Variants in RAD51B observed in about 807,000 individuals in gnomAD.
RAD51B encodes the protein DNA repair protein RAD51 homolog 2.
Under a neutral mutation model 42.2 loss-of-function variants are expected in RAD51B, and 38 were observed. The ratio of observed to expected loss-of-function variants is 0.90; its 90% CI spans 0.70 to 1.18. RAD51B has a LOEUF of 1.18. Among genes scored for constraint, RAD51B ranks in the 50% most tolerant of loss-of-function variants. The pLI, the probability that RAD51B is intolerant of heterozygous loss-of-function variation, is 0.00. For synonymous variants in RAD51B, 154 were observed against 145.2 expected (o/e 1.06, Z -0.43); for missense variants, 373 against 400.7 (o/e 0.93, Z 0.59).
rs1205204275 is a variant in RAD51B at position 68,590,771 on chromosome 14, G to A, written c.1037-3714G>A. Among the ~76,000 whole-genome samples the A allele has an allele frequency of 4.6e-5, 7 of 152,186 alleles. No individual in the cohort carries two copies. The South Asian group carries it at 6.2e-4, about 13-fold the overall frequency. ...GGAGGGCAATGATGCCGAATCACCT[G>A]TTATGGCATTTTCATAATTCAGCTA... On this transcript the variant is annotated intron_variant, in intron 10 of 10. Transcript: ENST00000487270.
chr14:68,342,974 T>C (rs527419442), intron 8 of RAD51B, among the ~76,000 whole-genome samples: 10 of 151,256 alleles, frequency 6.6e-5, no homozygotes, highest in Admixed American at 3.3e-4. Context: ...TTGGTCTCCA[T>C]TTCTGCTGCC....
At chr14:68,468,524 G>T (rs140122890) in intron 10 of RAD51B, 4 of 455,212 alleles carry the variant, frequency 8.8e-6, no homozygotes, top group South Asian at 7.9e-5. Context: ...AAGAAAGCTC[G>T]GAATTGCTAC....
At chr14:68,132,263 A>T (rs2077908279) in intron 7 of RAD51B, among the ~76,000 whole-genome samples, 1 of 152,192 alleles carries the variant, frequency 6.6e-6, no homozygotes, top group African/African-American at 2.4e-5. Context: ...TTCCTCAAAG[A>T]TTTGGGGTGC....
intron 7 of RAD51B, among the ~76,000 whole-genome samples, chr14:67,954,143 C>G (rs2074504514): frequency 6.6e-6 from 1 of 152,120 alleles, no homozygotes; most frequent in Non-Finnish European, 1.5e-5. Flanking sequence ...CGCTCTAACT[C>G]AAATTAATTC....
At position 68,648,055 on chromosome 14, in the gene RAD51B, G is replaced by A. The variant is rs1489276035; in HGVS notation, c.1037-2726G>A. Among the ~76,000 whole-genome samples the A allele has an allele frequency of 3.0e-4, 28 of 92,584 alleles. 1 individual carries two copies. The highest frequency in any genetic ancestry group is 9.8e-4 in the East Asian group (2 of 2,050). The allele number at this position is 92,584 out of a possible 152,430, so 60.7% of individuals were successfully genotyped here. A position where few individuals can be genotyped will look rare whatever the true frequency, so the allele number is the denominator to read the frequency against. Reference sequence around the variant, plus strand: ...TATATATACACACGTATATAGATGTGTGTGTGTATATATATATACACGTAT... The same window carrying A: ...TATATATACACACGTATATAGATGTATGTGTGTATATATATATACACGTAT... On this transcript the variant is annotated intron_variant, in intron 10 of 11. Coordinates refer to the RAD51B transcript ENST00000488612.
chr14:67,847,685 T>G (rs1236510698), intron 4 of RAD51B, among the ~76,000 whole-genome samples: 1 of 152,236 alleles, frequency 6.6e-6, no homozygotes, highest in African/African-American at 2.4e-5. Context: ...TATTGACACT[T>G]ACTTTATGAC....
intron 7 of RAD51B, among the ~76,000 whole-genome samples, chr14:68,038,160 G>A (rs1458391578): frequency 1.3e-5 from 2 of 152,108 alleles, no homozygotes; most frequent in Non-Finnish European, 2.9e-5. Flanking sequence ...TCAGTTAGAG[G>A]GATTAGTGAA....
intron 7 of RAD51B, among the ~76,000 whole-genome samples, chr14:68,254,415 A>G (rs2080707090): frequency 6.6e-6 from 1 of 152,194 alleles, no homozygotes; most frequent in Non-Finnish European, 1.5e-5. Context: ...ACTAACCTTT[A>G]ACTGAAATTG....
At chr14:68,044,531 G>A (rs1439483995) in intron 7 of RAD51B, among the ~76,000 whole-genome samples, 1 of 151,908 alleles carries the variant, frequency 6.6e-6, no homozygotes, top group Non-Finnish European at 1.5e-5. Flanking sequence ...GATCCACCCT[G>A]GTTTCCATCT....
chr14:68,583,548 C>T (rs1199135365), intron 10 of RAD51B, among the ~76,000 whole-genome samples: 1 of 152,208 alleles, frequency 6.6e-6, no homozygotes, highest in Admixed American at 6.5e-5. Context: ...GAATTTAGAA[C>T]CCGTGGACCC....
chr14:67,987,879 G>A (rs527988858), intron 7 of RAD51B, among the ~76,000 whole-genome samples: 8 of 152,312 alleles, frequency 5.3e-5, no homozygotes, highest in Admixed American at 5.2e-4. Context: ...AGCCAGTGTG[G>A]TTCAGCCAAA....
intron 11 of RAD51B, among the ~76,000 whole-genome samples, chr14:68,679,943 A>G (rs1166800420): frequency 2.0e-5 from 3 of 152,234 alleles, no homozygotes; most frequent in Non-Finnish European, 4.4e-5. Flanking sequence ...TCTGATGTGA[A>G]TGTTGGTTAA....
At chr14:68,238,863 T>C (rs906569846) in intron 7 of RAD51B, among the ~76,000 whole-genome samples, 5 of 152,206 alleles carry the variant, frequency 3.3e-5, no homozygotes, top group African/African-American at 1.2e-4. Flanking sequence ...TTGGGCAAGA[T>C]GTGTTGCTCT....
chr14:68,380,100 C>T (rs2083451262), intron 8 of RAD51B, among the ~76,000 whole-genome samples: 1 of 152,164 alleles, frequency 6.6e-6, no homozygotes, highest in South Asian at 2.1e-4. Flanking sequence ...TGCTGTCATT[C>T]TCTTAAATTG....
chr14:68,470,440 C>A, intron 10 of RAD51B: 1 of 464,974 alleles, frequency 2.2e-6, no homozygotes, highest in South Asian at 1.6e-5. Context: ...ATGCAGGCCC[C>A]TCATTTACTA....
At chr14:67,913,986 A>AT (rs2044070476) in intron 7 of RAD51B, among the ~76,000 whole-genome samples, 2 of 144,670 alleles carry the variant, frequency 1.4e-5, no homozygotes, top group African/African-American at 5.2e-5. Context: ...CCATGAGTTC[A>AT]ATTTTTTTTT....
intron 7 of RAD51B, among the ~76,000 whole-genome samples, chr14:68,023,346 CT>C (rs374110445): frequency 9.2e-5 from 14 of 151,504 alleles, no homozygotes; most frequent in Admixed American, 6.6e-4. Context: ...GGTATGTCTT[CT>C]TTTTTTTTGA....
At chr14:68,051,614 G>A (rs147365600) in intron 7 of RAD51B, among the ~76,000 whole-genome samples, 4 of 150,226 alleles carry the variant, frequency 2.7e-5, no homozygotes, top group African/African-American at 9.8e-5. Context: ...TTTTTTTTAA[G>A]AGTCAGGATC....
chr14:68,138,117 A>G (rs1457333374), intron 7 of RAD51B, among the ~76,000 whole-genome samples: 1 of 150,640 alleles, frequency 6.6e-6, no homozygotes, highest in Non-Finnish European at 1.5e-5. Flanking sequence ...GAAAATCTGC[A>G]GAGCTGCAGG....
Sources: allele counts gnomAD v4.1 joint callset (sites outside exome capture counted in the v4.1 genomes callset), GRCh38; gene constraint gnomAD v4.1.1; transcripts MANE v1.5; gene names NCBI Gene and HGNC (gene_info 2026-07-23, HGNC 2026-07-21).